STXBP5L: variants seen among roughly 807,000 people sequenced by gnomAD.
The protein encoded by STXBP5L is syntaxin binding protein 5L, also known as syntaxin-binding protein 5-like.
STXBP5L carries 65 observed loss-of-function variants against 144.5 expected under a neutral mutation model. The ratio of observed to expected loss-of-function variants is 0.45; its 90% CI spans 0.37 to 0.55. The LOEUF is 0.55. Among genes scored for constraint, STXBP5L ranks in the 20% least tolerant of loss-of-function variants. STXBP5L has a pLI of 0.00. For missense variants in STXBP5L, 1,298 were observed against 1,405.5 expected, an observed-to-expected ratio of 0.92 and a Z score of 1.22; for synonymous variants, 505 against 469.6, an observed-to-expected ratio of 1.08 and a Z score of -0.97.
chr3:121,178,110 C>T (rs1045079327), intron 9 of STXBP5L, among the ~76,000 whole-genome samples: 28 of 151,968 alleles, frequency 1.8e-4, no homozygotes, highest in African/African-American at 5.8e-4. Context: ...TGGTGGTTGC[C>T]AGAGGTTAAG....
At chr3:121,151,777 G>A (rs1196683590) in intron 7 of STXBP5L, among the ~76,000 whole-genome samples, 1 of 151,820 alleles carries the variant, frequency 6.6e-6, no homozygotes, top group African/African-American at 2.4e-5. Context: ...CAAAAAAATA[G>A]GAAGGATACA....
At chr3:121,334,594 A>T (rs1172469875) in intron 20 of STXBP5L, among the ~76,000 whole-genome samples, 1 of 151,680 alleles carries the variant, frequency 6.6e-6, no homozygotes, top group African/African-American at 2.4e-5. Context: ...AATCTCAAAA[A>T]AATACGTGCA....
chr3:121,199,549 T>C (rs2048056603), intron 9 of STXBP5L, among the ~76,000 whole-genome samples: 1 of 152,214 alleles, frequency 6.6e-6, no homozygotes, highest in Non-Finnish European at 1.5e-5. Context: ...ACCGCATCCT[T>C]GTCTTGTGCC....
chr3:121,292,258 G>A (rs990404143), intron 19 of STXBP5L, among the ~76,000 whole-genome samples: 2 of 151,992 alleles, frequency 1.3e-5, no homozygotes, highest in African/African-American at 4.8e-5. Flanking sequence ...AATTCTCAAA[G>A]GAAGATATAC....
intron 3 of STXBP5L, among the ~76,000 whole-genome samples, chr3:121,040,436 C>A (rs893092845): frequency 6.6e-6 from 1 of 152,064 alleles, no homozygotes; most frequent in African/African-American, 2.4e-5. Context: ...CTTGCCTCAA[C>A]ATAAACTTTA....
intron 20 of STXBP5L, among the ~76,000 whole-genome samples, chr3:121,322,409 C>T (rs558861200): frequency 1.9e-3 from 267 of 142,870 alleles, no homozygotes; most frequent in African/African-American, 6.0e-3. Flanking sequence ...ACCCAAGAGG[C>T]GGAGGTTGTG....
At chr3:120,912,223 A>G (rs1708873729) in intron 2 of STXBP5L, among the ~76,000 whole-genome samples, 1 of 151,958 alleles carries the variant, frequency 6.6e-6, no homozygotes, top group Non-Finnish European at 1.5e-5. Flanking sequence ...ACTGGATTAC[A>G]CTTCATTTTG....
At chr3:121,348,742 C>T (rs1316739655) in intron 20 of STXBP5L, among the ~76,000 whole-genome samples, 1 of 152,052 alleles carries the variant, frequency 6.6e-6, no homozygotes, top group Non-Finnish European at 1.5e-5. Flanking sequence ...AGTTTATTTG[C>T]TTAGAGGTGT....
At chr3:121,400,308 CA>C (rs2108729945) in intron 22 of STXBP5L, among the ~76,000 whole-genome samples, 1 of 152,222 alleles carries the variant, frequency 6.6e-6, no homozygotes, top group South Asian at 2.1e-4. Flanking sequence ...CTGGAGTATA[CA>C]TAGAGGTGGT....
chr3:121,329,493 A>G (rs962466909), intron 20 of STXBP5L, among the ~76,000 whole-genome samples: 5 of 152,242 alleles, frequency 3.3e-5, no homozygotes, highest in African/African-American at 1.2e-4. Context: ...TGGCAATTAT[A>G]GCAATCCCAA....
At chr3:121,089,413 C>G (rs1339439153) in intron 5 of STXBP5L, among the ~76,000 whole-genome samples, 2 of 151,538 alleles carry the variant, frequency 1.3e-5, no homozygotes, top group African/African-American at 4.8e-5. Flanking sequence ...TTTTATACAC[C>G]TGAATAGCAT....
intron 19 of STXBP5L, among the ~76,000 whole-genome samples, chr3:121,310,437 C>T (rs759831399): frequency 9.9e-5 from 15 of 152,190 alleles, no homozygotes; most frequent in African/African-American, 2.9e-4. Context: ...GGTGAAACCC[C>T]GTCTCTACTA....
chr3:121,127,468 C>T (rs936183811), intron 7 of STXBP5L, among the ~76,000 whole-genome samples: 2 of 151,924 alleles, frequency 1.3e-5, no homozygotes, highest in Admixed American at 1.3e-4. Context: ...GCTTAGGTGG[C>T]TCCTGATGTT....
At chr3:121,362,867 A>G (rs924025101) in intron 20 of STXBP5L, among the ~76,000 whole-genome samples, 4 of 152,146 alleles carry the variant, frequency 2.6e-5, no homozygotes, top group Admixed American at 2.6e-4. Context: ...GGCAAGTCTC[A>G]GGGGTTCATC....
chr3:121,126,139 G>C (rs3914741), intron 7 of STXBP5L, among the ~76,000 whole-genome samples: 15,089 of 151,998 alleles, frequency 0.099, 1,175 homozygotes, highest in Admixed American at 0.2. Flanking sequence ...AGCTTTTTTT[G>C]TACACACTTC....
chr3:121,237,958 T>A (rs2049537443), intron 12 of STXBP5L, among the ~76,000 whole-genome samples: 1 of 152,216 alleles, frequency 6.6e-6, no homozygotes, highest in African/African-American at 2.4e-5. Context: ...TTTCTGTCAG[T>A]ATTTTGGTCA....
At chr3:121,326,221 A>AT (rs754616371) in intron 20 of STXBP5L, among the ~76,000 whole-genome samples, 11 of 152,032 alleles carry the variant, frequency 7.2e-5, no homozygotes, top group Non-Finnish European at 1.2e-4. Flanking sequence ...GCAAATTCTA[A>AT]TAAAAAATAC....
At chr3:121,303,493 A>C (rs1206127069) in intron 19 of STXBP5L, among the ~76,000 whole-genome samples, 1 of 152,216 alleles carries the variant, frequency 6.6e-6, no homozygotes, top group Non-Finnish European at 1.5e-5. Flanking sequence ...ATCTAGAACT[A>C]GAAATACCAT....
intron 5 of STXBP5L, among the ~76,000 whole-genome samples, chr3:121,079,182 C>T (rs1188440457): frequency 6.6e-6 from 1 of 152,154 alleles, no homozygotes; most frequent in East Asian, 1.9e-4. Context: ...GGACATATGT[C>T]CAGAAAGTCT....
Sources: gnomAD v4.1 joint callset for allele counts (sites outside exome capture counted in the v4.1 genomes callset) on GRCh38, gnomAD v4.1.1 for gene constraint, MANE v1.5 for transcripts, NCBI Gene and HGNC (gene_info 2026-07-23, HGNC 2026-07-21) for gene names.